Variants in CENPE observed in about 807,000 individuals in gnomAD.
The protein encoded by CENPE is centromere protein E.
CENPE carries 145 observed loss-of-function variants against 336.1 expected under a neutral mutation model. The ratio of observed to expected loss-of-function variants is 0.43; its 90% CI spans 0.38 to 0.50. CENPE has a LOEUF of 0.50. CENPE is among the 20% of genes least tolerant of loss of function. The pLI is 0.00. For missense variants in CENPE, 2,719 were observed against 3,023.3 expected (o/e 0.90, Z 2.36); for synonymous variants, 1,013 against 984.8 (o/e 1.03, Z -0.54).
In CENPE at chr4:103,196,829, A is replaced by T; in HGVS notation, c.78T>A (p.Thr26=). Residue 26 remains threonine, a synonymous_variant, in exon 2 of 49, where the codon ACT becomes ACA. Transcript: ENST00000265148. ...LNSREESLGE[T]AQVYWKTDNN... is the part of the protein sequence containing the mutation. ...TGTCAGTTTTCCAGTAAACTTGGGC[A>T]GTTTCTCCAAGTGATTCTTCTCTAA... 6.4e-7 allele frequency: 1 copy of T among 1,574,150 alleles called. No individual in the cohort carries two copies. Among genetic ancestry groups the T allele is most frequent in the Non-Finnish European group, 8.7e-7 (1 of 1,145,886 alleles).
In CENPE at chr4:103,159,021, A is replaced by C; in HGVS notation, c.2590T>G (p.Leu864Val). 1 of 1,532,854 alleles carries C rather than the reference A, an allele frequency of 6.5e-7. No individual in the cohort carries two copies. The highest frequency in any genetic ancestry group is 1.3e-5 in the South Asian group (1 of 74,548). The allele number at this position is 1,532,854 out of a possible 1,614,324, so 95.0% of individuals were successfully genotyped here. Residue 864 changes from leucine (L) to valine (V), a missense_variant, in exon 22 of 49, where the codon TTG (leucine) becomes GTG (valine). Transcript: ENST00000265148. ...CATCTTGTACCAACCTCGGTCTTCA[A>C]AGCACCCAAACTCGAATCAAATTTT... ...AQKFDSSLGA[L>V]KTELSYKTQE...
At chr4:103,119,517 A>G (rs1469761580) in intron 44 of CENPE, among the ~76,000 whole-genome samples, 1 of 152,214 alleles carries the variant, frequency 6.6e-6, no homozygotes, top group Non-Finnish European at 1.5e-5. Context: ...GAACAATGTT[A>G]AATAATGAAT....
chr4:103,132,560 C>G, intron 42 of CENPE, 133 bp downstream of exon 42: 1 of 455,304 alleles, frequency 2.2e-6, no homozygotes, highest in Non-Finnish European at 4.0e-6. Context: ...AGGAAGAACA[C>G]GTTTTATCAA....
chr4:103,140,461 T>G (rs1752452788), intron 36 of CENPE, 47 bp from the exon 37 acceptor site: 5 of 1,241,186 alleles, frequency 4.0e-6, no homozygotes, highest in Non-Finnish European at 5.6e-6. Flanking sequence ...TAAAGGCACG[T>G]TACCTTTACT....
At chr4:103,134,607 G>T (rs1021372943) in intron 40 of CENPE, among the ~76,000 whole-genome samples, 1 of 127,704 alleles carries the variant, frequency 7.8e-6, no homozygotes, top group African/African-American at 3.1e-5. Flanking sequence ...CTGCACTCCA[G>T]CCTGGGCAAC....
chr4:103,138,358 C>T lies in CENPE; in HGVS notation c.6296G>A (p.Arg2099Lys), dbSNP rs544414632. Reference sequence around the variant, plus strand: ...TTAACAGGGGGTACTTACTTTTATTCTAGAGCACTTTTCTCTCAGGCTTTC... The same window carrying T: ...TTAACAGGGGGTACTTACTTTTATTTTAGAGCACTTTTCTCTCAGGCTTTC... Reference protein sequence around the residue: ...LTESLREKCSRIKELLKRYSE... With the variant: ...LTESLREKCSKIKELLKRYSE... The change falls in exon 39 of 49, where the codon AGA becomes AAA. Residue 2099 changes from arginine (R) to lysine (K), a missense_variant. Arg to Lys is a conservative substitution (Grantham distance 26). Around this residue, in one of 5 missense-constraint regions of CENPE, gnomAD observed 2,437 missense variants for 2,513.3 expected, o/e 0.97. Transcript: ENST00000265148. The T allele has an allele frequency of 6.2e-7, 1 of 1,607,356 alleles. No homozygotes were observed. Among genetic ancestry groups the T allele is most frequent in the African/African-American group, 1.3e-5 (1 of 74,962 alleles).
At chr4:103,168,733 A>G (rs955945295) in intron 16 of CENPE, among the ~76,000 whole-genome samples, 4 of 152,176 alleles carry the variant, frequency 2.6e-5, no homozygotes, top group African/African-American at 9.7e-5. Flanking sequence ...GACCCCTCTC[A>G]TCTGTGGAAT....
At chr4:103,173,785 A>C (rs540584757) in intron 16 of CENPE, among the ~76,000 whole-genome samples, 1 of 152,080 alleles carries the variant, frequency 6.6e-6, no homozygotes, top group South Asian at 2.1e-4. Context: ...AATATTACTA[A>C]TAATCAAGGA....
At chr4:103,110,546 T>C (rs1749309829) in intron 47 of CENPE, among the ~76,000 whole-genome samples, 1 of 152,182 alleles carries the variant, frequency 6.6e-6, no homozygotes, top group Non-Finnish European at 1.5e-5. Context: ...GGCTTGGGTA[T>C]ATGGACTTGT....
chr4:103,182,771 A>G lies in CENPE; in HGVS notation c.954T>C (p.Thr318=). The change falls in exon 11 of 49, where the codon ACT becomes ACC. Residue 318 remains threonine, a synonymous_variant. Coordinates refer to ENST00000265148, the MANE Select transcript of CENPE (RefSeq NM_001813.3). ...TAAAAATCAAACTCACCTGGAGAGC[A>G]GTAAGTGTTTCATCAAAAGATACTG... ...ITPVSFDETL[T]ALQFASTAKY... The G allele has an allele frequency of 6.2e-7, 1 of 1,609,474 alleles. No homozygotes were observed. The highest frequency in any genetic ancestry group is 8.5e-7 in the Non-Finnish European group (1 of 1,177,704).
At chr4:103,161,710 T>C (rs533462285) in intron 18 of CENPE, among the ~76,000 whole-genome samples, 58 of 152,166 alleles carry the variant, frequency 3.8e-4, no homozygotes, top group Non-Finnish European at 7.5e-4. Context: ...ATCTGTTTTG[T>C]TTAAAGGTTA....
intron 8 of CENPE, among the ~76,000 whole-genome samples, chr4:103,189,688 C>T (rs1051927466): frequency 6.6e-6 from 1 of 152,182 alleles, no homozygotes; most frequent in African/African-American, 2.4e-5. Context: ...CAATATCATA[C>T]TGAATGGGCA....
At chr4:103,159,519 T>G (rs1163493364) in intron 21 of CENPE, among the ~76,000 whole-genome samples, 195 bp from the exon 22 acceptor site, 1 of 151,936 alleles carries the variant, frequency 6.6e-6, no homozygotes, top group Non-Finnish European at 1.5e-5. Flanking sequence ...CCTTTGATGT[T>G]TTATTTTCTA....
chr4:103,142,759 C>T lies in CENPE; in HGVS notation c.5304+489G>A, dbSNP rs933451546. On this transcript the variant is annotated intron_variant, in intron 34 of 48. Coordinates refer to ENST00000265148, the MANE Select transcript of CENPE (RefSeq NM_001813.3). ...GCCTGGCGGCTCATGCCTGTAATCC[C>T]AGCACTTTGGGAGGCCGAGGCGGGT... Among the ~76,000 whole-genome samples the T allele has an allele frequency of 3.2e-4, 49 of 152,048 alleles. 1 individual carries two copies. Among genetic ancestry groups the T allele is most frequent in the African/African-American group, 1.2e-3 (48 of 41,406 alleles).
chr4:103,112,247 A>AAT (rs1749511582), intron 46 of CENPE, among the ~76,000 whole-genome samples: 1 of 147,898 alleles, frequency 6.8e-6, no homozygotes, highest in African/African-American at 2.5e-5. Flanking sequence ...TATTATATAT[A>AAT]ATATATATTG....
intron 41 of CENPE, 72 bp from the exon 42 acceptor site, chr4:103,132,968 A>ATATACATATATATATATATATATG (rs1560610260): frequency 1.1e-5 from 2 of 184,010 alleles, no homozygotes; most frequent in African/African-American, 5.9e-5. Context: ...ATTTATATAT[A>ATATACATATATATATATATATATG]TATATATATA....
In CENPE at chr4:103,198,257, C is replaced by A; in HGVS notation, c.56+7G>T. 1 of 1,550,206 alleles carries A rather than the reference C, an allele frequency of 6.5e-7. No homozygotes were observed. Among genetic ancestry groups the A allele is most frequent in the East Asian group, 2.4e-5 (1 of 40,892 alleles). On this transcript the variant is annotated splice_region_variant and intron_variant, in intron 1 of 48. Transcript: ENST00000265148. ...GCGGGCACCGGGCCGTGGTGTGGCC[C>A]CCCTACCTGCTGTTCAGCGGCCGCA... is the stretch of plus-strand genomic sequence containing the variant.
chr4:103,159,022 A>G lies in CENPE; in HGVS notation c.2589T>C (p.Ala863=), dbSNP rs1265473874. The G allele has an allele frequency of 6.5e-7, 1 of 1,532,894 alleles. No individual in the cohort carries two copies. The highest frequency in any genetic ancestry group is 2.2e-5 in the East Asian group (1 of 44,470). The allele number at this position is 1,532,894 out of a possible 1,614,324, so 95.0% of individuals were successfully genotyped here. A position where few individuals can be genotyped will look rare whatever the true frequency, so the allele number is the denominator to read the frequency against. ...ATCTTGTACCAACCTCGGTCTTCAA[A>G]GCACCCAAACTCGAATCAAATTTTT... ...EAQKFDSSLG[A]LKTELSYKTQ... The change falls in exon 22 of 49, where the codon GCT becomes GCC. Residue 863 remains alanine, a synonymous_variant. Coordinates refer to ENST00000265148, the MANE Select transcript of CENPE (RefSeq NM_001813.3).
chr4:103,186,970 T>C (rs1024764645), intron 8 of CENPE, among the ~76,000 whole-genome samples: 5 of 152,124 alleles, frequency 3.3e-5, no homozygotes, highest in African/African-American at 1.2e-4. Flanking sequence ...GCACAGTTGG[T>C]GAAGTGAAGA....
Sources: allele counts gnomAD v4.1 joint callset (sites outside exome capture counted in the v4.1 genomes callset), GRCh38; gene constraint gnomAD v4.1.1; regional missense constraint gnomAD v4.1.1; transcripts MANE v1.5; gene names NCBI Gene and HGNC (gene_info 2026-07-23, HGNC 2026-07-21).